The following TET3 variants were observed in gnomAD, a reference collection of about 807,000 sequenced individuals.
The protein encoded by TET3 is methylcytosine dioxygenase TET3.
In TET3, 19 loss-of-function variants were observed where a neutral mutation model predicts 141.4. That is an observed-to-expected ratio of 0.13 (90% CI 0.09 to 0.20). TET3 has a LOEUF of 0.20. Ranked by LOEUF, TET3 falls within the 10% of genes least tolerant of loss-of-function variation. The pLI, the probability that TET3 is intolerant of heterozygous loss-of-function variation, is 1.00. For synonymous variants in TET3, 1,043 were observed against 980.9 expected (o/e 1.06, Z -1.18); for missense variants, 1,874 against 2,356.9 (o/e 0.80, Z 4.24).
chr2:74,098,739 G>A lies in TET3; in HGVS notation c.3268-537G>A, dbSNP rs571617709. The stretch of plus-strand genomic sequence containing the variant: ...CTCCCAAGTAGCTGGGATTACAGGC[G>A]CATGCCACCACGCCAGGCTAATTTT... On this transcript the variant is annotated intron_variant, in intron 10 of 11. Transcript: ENST00000409262. Among the ~76,000 whole-genome samples the A allele has an allele frequency of 4.6e-5, 7 of 152,132 alleles. No individual in the cohort carries two copies. In the South Asian group the frequency reaches 8.3e-4, roughly 18 times the overall value.
intron 3 of TET3, among the ~76,000 whole-genome samples, chr2:74,045,116 T>C (rs1442350112): frequency 6.6e-6 from 1 of 152,222 alleles, no homozygotes; most frequent in African/African-American, 2.4e-5. Context: ...ATTCAGGTTA[T>C]ACATTTTGGC....
chr2:74,133,041 G>T, the TET3 span, among the ~76,000 whole-genome samples: 4 of 151,784 alleles, frequency 2.6e-5, no homozygotes, highest in East Asian at 7.7e-4. Flanking sequence ...GGGACTACAG[G>T]CATGTGCCAC....
intron 3 of TET3, among the ~76,000 whole-genome samples, chr2:74,032,028 G>A (rs571515844): frequency 5.9e-5 from 9 of 152,172 alleles, no homozygotes; most frequent in Non-Finnish European, 1.0e-4. Flanking sequence ...AATGGATGTG[G>A]AATTGTTGGA....
intron 5 of TET3, among the ~76,000 whole-genome samples, chr2:74,075,163 C>G (rs1689431395): frequency 2.0e-5 from 3 of 152,022 alleles, no homozygotes; most frequent in African/African-American, 7.2e-5. Context: ...AGCCACTGCG[C>G]CCAGCTGCAT....
At chr2:74,041,751 C>T (rs1467876177) in intron 3 of TET3, among the ~76,000 whole-genome samples, 1 of 152,180 alleles carries the variant, frequency 6.6e-6, no homozygotes, top group African/African-American at 2.4e-5. Context: ...TCACATCATA[C>T]TGGGTGTGCC....
At chr2:74,080,701 G>GC (rs1373735733) in intron 6 of TET3, 110 bp downstream of exon 6, 7 of 391,366 alleles carry the variant, frequency 1.8e-5, no homozygotes, top group African/African-American at 1.5e-4. Flanking sequence ...GGCGAGGGCG[G>GC]GGGGTGGGGC....
At chr2:74,120,331 C>T in the TET3 span, among the ~76,000 whole-genome samples, 1 of 152,370 alleles carries the variant, frequency 6.6e-6, no homozygotes, top group African/African-American at 2.4e-5. Flanking sequence ...AGACTTTCCG[C>T]CGGGGTCCCA....
chr2:73,999,595 C>T (rs1399821083), intron 2 of TET3, among the ~76,000 whole-genome samples: 6 of 151,964 alleles, frequency 3.9e-5, no homozygotes, highest in Non-Finnish European at 2.9e-5. Context: ...AATCCATTCA[C>T]CTCTCCAGTG....
chr2:74,076,441 G>GTTTTTTTTTTTTTTT (rs70965785), intron 5 of TET3, among the ~76,000 whole-genome samples: 8 of 56,580 alleles, frequency 1.4e-4, no homozygotes, highest in East Asian at 7.5e-4. Context: ...ATTCCTCTGG[G>GTTTTTTTTTTTTTTT]TTTTTTTTTT....
chr2:74,134,311 A>T, the TET3 span, among the ~76,000 whole-genome samples: 1 of 152,202 alleles, frequency 6.6e-6, no homozygotes, highest in Admixed American at 6.5e-5. Context: ...CTCTGATACA[A>T]CTGAGTGATT....
the TET3 span, among the ~76,000 whole-genome samples, chr2:74,129,846 C>A: frequency 6.6e-6 from 1 of 152,042 alleles, no homozygotes; most frequent in Non-Finnish European, 1.5e-5. Context: ...ATAATCCCAG[C>A]ACTTTGGGAG....
intron 2 of TET3, among the ~76,000 whole-genome samples, chr2:73,988,163 T>C (rs904208164): frequency 3.3e-4 from 50 of 152,304 alleles, no homozygotes; most frequent in Non-Finnish European, 1.3e-4. Context: ...GTTATCGTCC[T>C]GCTGGCCCAG....
At chr2:74,014,378 C>T (rs1483451936) in intron 3 of TET3, among the ~76,000 whole-genome samples, 2 of 152,076 alleles carry the variant, frequency 1.3e-5, no homozygotes, top group Non-Finnish European at 1.5e-5. Flanking sequence ...TTCCGAGCCC[C>T]GATTTAGCCT....
chr2:74,023,689 T>C (rs1455047129), intron 3 of TET3, among the ~76,000 whole-genome samples: 2 of 152,252 alleles, frequency 1.3e-5, no homozygotes, highest in Non-Finnish European at 2.9e-5. Flanking sequence ...GTGATTGATA[T>C]TATCAGTATT....
intron 4 of TET3, among the ~76,000 whole-genome samples, chr2:74,061,702 G>A (rs1290129383): frequency 6.1e-5 from 9 of 146,394 alleles, no homozygotes; most frequent in Non-Finnish European, 1.2e-4. Context: ...CTTCTCAGAC[G>A]GGGCAGCTGC....
At chr2:74,127,584 T>A in the TET3 span, among the ~76,000 whole-genome samples, 4 of 152,204 alleles carry the variant, frequency 2.6e-5, no homozygotes, top group Non-Finnish European at 5.9e-5. Flanking sequence ...TGAACTCATT[T>A]CCAGACTAAC....
chr2:74,124,111 C>G, the TET3 span, among the ~76,000 whole-genome samples: 4 of 151,992 alleles, frequency 2.6e-5, no homozygotes, highest in Admixed American at 1.3e-4. Context: ...AGCAGCTGCC[C>G]GGTCCAGGAG....
At chr2:74,095,681 G>A (rs1377345708) in intron 10 of TET3, among the ~76,000 whole-genome samples, 2 of 152,170 alleles carry the variant, frequency 1.3e-5, no homozygotes, top group African/African-American at 4.8e-5. Flanking sequence ...AGCTTTCTAT[G>A]TCAGTGGACT....
chr2:73,992,431 A>G (rs1157271113), intron 2 of TET3, among the ~76,000 whole-genome samples: 1 of 151,646 alleles, frequency 6.6e-6, no homozygotes, highest in African/African-American at 2.4e-5. Flanking sequence ...CTCCTGCCTC[A>G]GCCTCCCGAG....
Sources: allele counts gnomAD v4.1 joint callset (sites outside exome capture counted in the v4.1 genomes callset), GRCh38; gene constraint gnomAD v4.1.1; transcripts MANE v1.5; gene names NCBI Gene and HGNC (gene_info 2026-07-23, HGNC 2026-07-21).